The following BABAM2 variants were observed in gnomAD, a reference collection of about 807,000 sequenced individuals.
The protein encoded by BABAM2 is BRISC and BRCA1-A complex member 2.
Under a neutral mutation model 54.7 loss-of-function variants are expected in BABAM2, and 31 were observed. The observed-to-expected ratio is 0.57, with a 90% CI of 0.43 to 0.77. The LOEUF (loss-of-function observed/expected upper bound fraction) is 0.77. BABAM2 is among the 30% of genes least tolerant of loss of function. The pLI is 0.00. For missense variants in BABAM2, 364 were observed against 455.8 expected (o/e 0.80, Z 1.83); for synonymous variants, 167 against 162.9 (o/e 1.03, Z -0.19).
chr2:28,319,015 G>A (rs1305847208), intron 11 of BABAM2, among the ~76,000 whole-genome samples: 1 of 152,222 alleles, frequency 6.6e-6, no homozygotes, highest in African/African-American at 2.4e-5. Flanking sequence ...TCTAAGCGGT[G>A]GGGCAGTGCA....
chr2:28,116,374 G>A (rs1470966298), intron 6 of BABAM2, among the ~76,000 whole-genome samples: 1 of 152,186 alleles, frequency 6.6e-6, no homozygotes, highest in Non-Finnish European at 1.5e-5. Context: ...ACGTCAAGGG[G>A]AGACTCTCTA....
In BABAM2 at chr2:27,972,744, CTTTAA is replaced by C. The variant is rs1232674635; in HGVS notation, c.206-15244_206-15240del. On this transcript the variant is annotated intron_variant, in intron 3 of 11. Transcript: ENST00000379624. ...TAAATAAAATATAAAGGTTACATAA[CTTTAA>C]TTTATTATTATTTTAATTATTAGCT... is the stretch of plus-strand genomic sequence containing the variant. Among the ~76,000 whole-genome samples the C allele has an allele frequency of 3.4e-5, 5 of 148,676 alleles. No individual in the cohort carries two copies. The East Asian group carries it at 7.9e-4, about 23-fold the overall frequency.
At chr2:28,140,184 C>T (rs551912305) in intron 7 of BABAM2, among the ~76,000 whole-genome samples, 1 of 152,216 alleles carries the variant, frequency 6.6e-6, no homozygotes, top group Admixed American at 6.5e-5. Context: ...AACTCTAAGT[C>T]TCTAATTCCT....
At chr2:27,923,195 T>C (rs187581772) in intron 2 of BABAM2, among the ~76,000 whole-genome samples, 6 of 152,342 alleles carry the variant, frequency 3.9e-5, no homozygotes, top group Admixed American at 3.9e-4. Flanking sequence ...TTGAAGACTG[T>C]TCATCAGTAT....
At chr2:28,263,704 A>G (rs1391900607) in intron 10 of BABAM2, among the ~76,000 whole-genome samples, 1 of 152,182 alleles carries the variant, frequency 6.6e-6, no homozygotes, top group Non-Finnish European at 1.5e-5. Flanking sequence ...GACCCTACAC[A>G]TGTCTATGGT....
chr2:28,194,927 A>C (rs1200248974), intron 7 of BABAM2, among the ~76,000 whole-genome samples: 1 of 152,162 alleles, frequency 6.6e-6, no homozygotes, highest in Non-Finnish European at 1.5e-5. Flanking sequence ...AATTCCTGGC[A>C]TCACGTGATC....
At chr2:28,132,340 A>G (rs531043468) in intron 7 of BABAM2, among the ~76,000 whole-genome samples, 26 of 151,946 alleles carry the variant, frequency 1.7e-4, no homozygotes, top group South Asian at 4.2e-4. Context: ...GGGTTTCACC[A>G]TGTTAGCCAG....
At chr2:28,162,435 G>A (rs1373856270) in intron 7 of BABAM2, among the ~76,000 whole-genome samples, 2 of 152,074 alleles carry the variant, frequency 1.3e-5, no homozygotes, top group African/African-American at 4.8e-5. Flanking sequence ...TTTTACCCAG[G>A]CATGAGGATA....
chr2:28,040,481 T>C (rs1260661194), intron 5 of BABAM2, among the ~76,000 whole-genome samples: 3 of 151,276 alleles, frequency 2.0e-5, no homozygotes, highest in Non-Finnish European at 4.4e-5. Flanking sequence ...TTTGTATTTT[T>C]AGTAGAGACG....
chr2:27,998,528 TTATC>T (rs1673342191), intron 4 of BABAM2, among the ~76,000 whole-genome samples: 1 of 152,108 alleles, frequency 6.6e-6, no homozygotes. Flanking sequence ...CATTACAGAT[TTATC>T]TTAAGCACCT....
intron 3 of BABAM2, among the ~76,000 whole-genome samples, chr2:27,981,248 A>T (rs1331440376): frequency 2.0e-5 from 3 of 152,140 alleles, no homozygotes; most frequent in African/African-American, 7.2e-5. Flanking sequence ...TTATAAAAGT[A>T]ACTGTGTCAC....
chr2:27,927,805 A>T (rs1667816342), intron 2 of BABAM2, among the ~76,000 whole-genome samples: 1 of 147,934 alleles, frequency 6.8e-6, no homozygotes, highest in East Asian at 2.0e-4. Flanking sequence ...CAACTTAGTG[A>T]TTTATGTTAA....
chr2:28,134,002 G>A (rs920410428), intron 7 of BABAM2, among the ~76,000 whole-genome samples: 8 of 152,090 alleles, frequency 5.3e-5, no homozygotes, highest in East Asian at 1.9e-4. Flanking sequence ...ATTGTTTACC[G>A]GTCTCCCACT....
At chr2:28,155,649 A>G (rs567182464) in intron 7 of BABAM2, among the ~76,000 whole-genome samples, 33 of 152,352 alleles carry the variant, frequency 2.2e-4, no homozygotes, top group African/African-American at 7.2e-4. Flanking sequence ...TTGGGAATCT[A>G]AAAACAAATA....
At chr2:28,122,808 T>C (rs538338575) in intron 6 of BABAM2, among the ~76,000 whole-genome samples, 3 of 152,144 alleles carry the variant, frequency 2.0e-5, no homozygotes, top group Non-Finnish European at 2.9e-5. Flanking sequence ...CCTTTTGATA[T>C]TTGCAAAGAG....
intron 10 of BABAM2, among the ~76,000 whole-genome samples, chr2:28,269,394 T>C (rs1453114833): frequency 6.6e-6 from 1 of 152,336 alleles, no homozygotes; most frequent in Non-Finnish European, 1.5e-5. Flanking sequence ...CCTGCATTTC[T>C]AGGGAAATGG....
intron 7 of BABAM2, among the ~76,000 whole-genome samples, chr2:28,170,755 G>C (rs1674230576): frequency 6.6e-6 from 1 of 152,090 alleles, no homozygotes; most frequent in South Asian, 2.1e-4. Context: ...GTCATTCTAA[G>C]AGATTAAACA....
At chr2:28,036,879 A>G (rs1243266106) in intron 5 of BABAM2, among the ~76,000 whole-genome samples, 1 of 152,196 alleles carries the variant, frequency 6.6e-6, no homozygotes, top group Non-Finnish European at 1.5e-5. Flanking sequence ...TATTTTGTTT[A>G]ATTGCCAGTC....
chr2:27,937,627 C>G (rs1207787324), intron 3 of BABAM2, among the ~76,000 whole-genome samples: 2 of 152,112 alleles, frequency 1.3e-5, no homozygotes, highest in Non-Finnish European at 2.9e-5. Flanking sequence ...TGAAAAGTGT[C>G]TCTTTAGGTC....
Sources: gnomAD v4.1 joint callset for allele counts (sites outside exome capture counted in the v4.1 genomes callset) on GRCh38, gnomAD v4.1.1 for gene constraint, MANE v1.5 for transcripts, NCBI Gene and HGNC (gene_info 2026-07-23, HGNC 2026-07-21) for gene names.